ZNF704: variants seen among roughly 807,000 people sequenced by gnomAD.
ZNF704 encodes glucocorticoid induced gene 1.
In ZNF704, 10 loss-of-function variants were observed where a neutral mutation model predicts 44.7. The ratio of observed to expected loss-of-function variants is 0.22; its 90% CI spans 0.14 to 0.38. The LOEUF (loss-of-function observed/expected upper bound fraction) is 0.38, where lower values mean the gene tolerates loss of function less well. Among genes scored for constraint, ZNF704 ranks in the 10% least tolerant of loss-of-function variants. The probability of loss-of-function intolerance (pLI) is 1.00; values close to 1 mark genes in which losing one functional copy is unlikely to be tolerated. For missense variants in ZNF704, 390 were observed against 545.5 expected (o/e 0.71, Z 2.84); for synonymous variants, 211 against 207.6 (o/e 1.02, Z -0.14).
In ZNF704 at chr8:80,661,716, C is replaced by T. The variant is rs1272311723; in HGVS notation, c.928-2027G>A. Among the ~76,000 whole-genome samples, 6 of 152,246 alleles carry T rather than the reference C, an allele frequency of 3.9e-5. No individual in the cohort carries two copies. In the South Asian group the frequency reaches 1.0e-3, roughly 26 times the overall value. On this transcript the variant is annotated intron_variant, in intron 6 of 8. Coordinates refer to ENST00000327835, the MANE Select transcript of ZNF704 (RefSeq NM_001033723.3). ...TGAAGATAAACATCACATGTTCTCACTCATATGTGGGAAATACAATAATTG... is the reference window on the plus strand; with the variant it reads ...TGAAGATAAACATCACATGTTCTCATTCATATGTGGGAAATACAATAATTG...
chr8:80,684,245 C>T (rs1219421908), intron 4 of ZNF704, among the ~76,000 whole-genome samples: 1 of 152,130 alleles, frequency 6.6e-6, no homozygotes, highest in Non-Finnish European at 1.5e-5. Flanking sequence ...TAACAAAGAA[C>T]AGAAGCTTCC....
chr8:80,643,354 C>A (rs1459665147), intron 7 of ZNF704, among the ~76,000 whole-genome samples: 2 of 151,532 alleles, frequency 1.3e-5, no homozygotes, highest in Non-Finnish European at 2.9e-5. Flanking sequence ...CCCGTCTGTA[C>A]CAAAAAGTAC....
intron 2 of ZNF704, among the ~76,000 whole-genome samples, chr8:80,759,013 G>A (rs949764485): frequency 1.3e-5 from 2 of 152,162 alleles, no homozygotes; most frequent in Admixed American, 1.3e-4. Flanking sequence ...TGACTCCAAA[G>A]TTCATGCTCT....
At chr8:80,767,799 T>G (rs1260831892) in intron 2 of ZNF704, among the ~76,000 whole-genome samples, 1 of 152,170 alleles carries the variant, frequency 6.6e-6, no homozygotes, top group African/African-American at 2.4e-5. Context: ...TTGCTGCTAT[T>G]AAAATTACCT....
At chr8:80,655,538 T>C (rs1313787685) in intron 7 of ZNF704, among the ~76,000 whole-genome samples, 1 of 152,142 alleles carries the variant, frequency 6.6e-6, no homozygotes, top group East Asian at 1.9e-4. Flanking sequence ...GCAATGATGG[T>C]AGGAAATCTG....
chr8:80,692,718 G>A (rs1317394492), intron 3 of ZNF704, among the ~76,000 whole-genome samples: 1 of 152,130 alleles, frequency 6.6e-6, no homozygotes, highest in Non-Finnish European at 1.5e-5. Flanking sequence ...GGGAAAAAAG[G>A]GACACAAGTA....
intron 1 of ZNF704, among the ~76,000 whole-genome samples, chr8:80,859,653 A>G (rs111955835): frequency 0.012 from 1,784 of 151,970 alleles, 32 homozygotes; most frequent in African/African-American, 0.04. Flanking sequence ...AACCTGAGAG[A>G]CCCTTATTTT....
At chr8:80,822,265 TC>T (rs1335712643) in intron 1 of ZNF704, among the ~76,000 whole-genome samples, 20 of 138,078 alleles carry the variant, frequency 1.4e-4, no homozygotes, top group African/African-American at 4.9e-4. Context: ...TGCTATCCCT[TC>T]CCCCCCGCCC....
intron 2 of ZNF704, among the ~76,000 whole-genome samples, chr8:80,771,386 TAC>T (rs1307537227): frequency 7.2e-5 from 11 of 152,168 alleles, no homozygotes; most frequent in Admixed American, 7.2e-4. Flanking sequence ...TCATCAGTTT[TAC>T]AGTTTTTAGC....
intron 1 of ZNF704, among the ~76,000 whole-genome samples, chr8:80,844,482 C>T (rs562892809): frequency 7.2e-5 from 11 of 152,262 alleles, no homozygotes; most frequent in South Asian, 6.2e-4. Flanking sequence ...AAGGTCCTAC[C>T]TCCTAATACC....
At chr8:80,817,242 G>A (rs752987434) in intron 2 of ZNF704, among the ~76,000 whole-genome samples, 1 of 152,144 alleles carries the variant, frequency 6.6e-6, no homozygotes, top group African/African-American at 2.4e-5. Context: ...CCATGAGTAC[G>A]CACCTTACAG....
At chr8:80,812,696 G>A (rs867767706) in intron 2 of ZNF704, 5 of 152,124 alleles carry the variant, frequency 3.3e-5, no homozygotes, top group African/African-American at 4.8e-5. Context: ...TGTCTCTATG[G>A]AGTTCAATGT....
chr8:80,791,507 G>A (rs1807707974), intron 2 of ZNF704, among the ~76,000 whole-genome samples: 1 of 152,192 alleles, frequency 6.6e-6, no homozygotes, highest in Non-Finnish European at 1.5e-5. Flanking sequence ...ATGTTTAGTG[G>A]GGAGATAACT....
In ZNF704 at chr8:80,631,251, C is replaced by A. The variant is rs1055482289; in HGVS notation, c.*10115G>T. On this transcript the variant is annotated 3_prime_UTR_variant, in exon 9 of 9. Transcript: ENST00000327835. ...TTTATCATGAAACTCCGCTGTATAT[C>A]CCTGAGGGGTATATTCACACTCTGG... 1.3e-5 allele frequency: 2 copies of A among 152,114 alleles called. No individual in the cohort carries two copies. Among genetic ancestry groups the A allele is most frequent in the Non-Finnish European group, 2.9e-5 (2 of 68,032 alleles). 9.4% of individuals were successfully genotyped at this position (152,114 alleles called of 1,614,324 possible). A position where few individuals can be genotyped will look rare whatever the true frequency, so the allele number is the denominator to read the frequency against.
At chr8:80,727,386 G>A (rs955943148) in intron 2 of ZNF704, among the ~76,000 whole-genome samples, 1 of 151,758 alleles carries the variant, frequency 6.6e-6, no homozygotes, top group African/African-American at 2.4e-5. Context: ...AACAACAGAA[G>A]TCTCTTCTCA....
chr8:80,756,224 C>A (rs1216446920), intron 2 of ZNF704, among the ~76,000 whole-genome samples: 1 of 152,120 alleles, frequency 6.6e-6, no homozygotes, highest in Non-Finnish European at 1.5e-5. Context: ...TATCCAAGAG[C>A]AGTATCTCAC....
intron 1 of ZNF704, among the ~76,000 whole-genome samples, chr8:80,843,462 T>A (rs2129972532): frequency 6.6e-6 from 1 of 152,368 alleles, no homozygotes; most frequent in Non-Finnish European, 1.5e-5. Context: ...CTGAAGGATA[T>A]TCCACAACAA....
In ZNF704 at chr8:80,874,321, T is replaced by TCCGCCG. The variant is rs1318271866; in HGVS notation, c.-22+244_-22+249dup. Reference sequence around the variant, plus strand: ...TGTGAGCGAGCGGCGCGCTGCCGCCTCCGCCGCCGCCGCCGCCGCCCGGGA... The same window carrying TCCGCCG: ...TGTGAGCGAGCGGCGCGCTGCCGCCTCCGCCGCCGCCGCCGCCGCCGCCGCCCGGGA... On this transcript the variant is annotated intron_variant, in intron 1 of 8. Coordinates refer to ENST00000327835, the MANE Select transcript of ZNF704 (RefSeq NM_001033723.3). This position sits in a 1 kb window ranked among gnomAD's most constrained non-coding sequence, Gnocchi z 4.4. Among the ~76,000 whole-genome samples the TCCGCCG allele has an allele frequency of 3.4e-3, 484 of 143,802 alleles. No individual in the cohort carries two copies. The highest frequency in any genetic ancestry group is 5.3e-3 in the Admixed American group (78 of 14,616). The allele number at this position is 143,802 out of a possible 152,430, so 94.3% of individuals were successfully genotyped here.
chr8:80,738,847 C>T (rs1330310926), intron 2 of ZNF704, among the ~76,000 whole-genome samples: 1 of 152,112 alleles, frequency 6.6e-6, no homozygotes, highest in Admixed American at 6.5e-5. Context: ...AAGTTATCTA[C>T]ACTGTCCTGA....
Sources: gnomAD v4.1 joint callset for allele counts (sites outside exome capture counted in the v4.1 genomes callset) on GRCh38, gnomAD v4.1.1 for gene constraint, Gnocchi (gnomAD v3.1) non-coding constraint, MANE v1.5 for transcripts, NCBI Gene and HGNC (gene_info 2026-07-23, HGNC 2026-07-21) for gene names.